Variants in C12orf50 observed in about 807,000 individuals in gnomAD.
C12orf50 encodes the protein uncharacterized protein C12orf50.
C12orf50 carries 35 observed loss-of-function variants against 61.6 expected under a neutral mutation model. The observed-to-expected ratio is 0.57, with a 90% CI of 0.43 to 0.75. The LOEUF is 0.75. C12orf50 is among the 30% of genes least tolerant of loss of function. C12orf50 has a pLI of 0.00. For missense variants in C12orf50, 475 were observed against 488.5 expected (o/e 0.97, Z 0.26); for synonymous variants, 178 against 161.5 (o/e 1.10, Z -0.77).
At chr12:87,987,761 T>G in intron 9 of C12orf50, 89 bp downstream of exon 9, 1 of 877,796 alleles carries the variant, frequency 1.1e-6, no homozygotes, top group East Asian at 2.7e-5. Context: ...TTTTCTTTCT[T>G]TTTTAAAATT....
At chr12:88,012,520 G>A (rs2032151354) in intron 3 of C12orf50, among the ~76,000 whole-genome samples, 1 of 152,150 alleles carries the variant, frequency 6.6e-6, no homozygotes. Flanking sequence ...ACAGAGCAGA[G>A]GTTCTTCGCA....
chr12:88,010,258 T>C (rs1389101282), intron 3 of C12orf50, among the ~76,000 whole-genome samples: 1 of 151,950 alleles, frequency 6.6e-6, no homozygotes, highest in Non-Finnish European at 1.5e-5. Flanking sequence ...CAAGTTCTAT[T>C]ATTTTGCTCT....
intron 1 of C12orf50, chr12:88,029,105 T>C (rs1381722816): frequency 7.8e-7 from 1 of 1,286,662 alleles, no homozygotes; most frequent in African/African-American, 1.5e-5. Flanking sequence ...TAGCAGTCAT[T>C]CCCAACTTCT....
intron 12 of C12orf50, among the ~76,000 whole-genome samples, chr12:87,981,945 G>A (rs2030498392): frequency 6.6e-6 from 1 of 152,054 alleles, no homozygotes; most frequent in African/African-American, 2.4e-5. Context: ...TTGATTCAGT[G>A]CTACACATAG....
chr12:87,991,912 G>A (rs1334796740), intron 7 of C12orf50, among the ~76,000 whole-genome samples: 2 of 152,078 alleles, frequency 1.3e-5, no homozygotes, highest in African/African-American at 4.8e-5. Flanking sequence ...ATGTTTGTTT[G>A]TTGTTTGCAA....
chr12:87,992,219 T>A (rs77240917), intron 7 of C12orf50, among the ~76,000 whole-genome samples: 76 of 152,260 alleles, frequency 5.0e-4, no homozygotes, highest in Non-Finnish European at 7.8e-4. Context: ...TATACCAGGA[T>A]GAGTAATTTC....
chr12:88,000,565 C>T (rs1442193589), intron 3 of C12orf50, among the ~76,000 whole-genome samples: 1 of 151,860 alleles, frequency 6.6e-6, no homozygotes, highest in Non-Finnish European at 1.5e-5. Flanking sequence ...ATCAGCTTCT[C>T]AATTTCTGCA....
At chr12:88,010,447 T>TATAAGATTAAAATTATTATAATCTTATA (rs1211820836) in intron 3 of C12orf50, among the ~76,000 whole-genome samples, 50 of 140,344 alleles carry the variant, frequency 3.6e-4, no homozygotes, top group East Asian at 9.8e-4. Context: ...ATAATAAGAT[T>TATAAGATTAAAATTATTATAATCTTATA]ATAAGATTAA....
At chr12:87,992,673 G>A (rs2031182682) in intron 7 of C12orf50, among the ~76,000 whole-genome samples, 1 of 152,056 alleles carries the variant, frequency 6.6e-6, no homozygotes, top group Admixed American at 6.6e-5. Flanking sequence ...TAGTAATAGC[G>A]ACCAGAGTAC....
intron 3 of C12orf50, among the ~76,000 whole-genome samples, chr12:88,003,464 T>C (rs2031731764): frequency 6.6e-6 from 1 of 152,066 alleles, no homozygotes; most frequent in South Asian, 2.1e-4. Context: ...ACCTGAAAGT[T>C]TTCCTTTAGT....
intron 12 of C12orf50, among the ~76,000 whole-genome samples, chr12:87,981,940 T>C (rs1469251878): frequency 6.6e-6 from 1 of 152,118 alleles, no homozygotes; most frequent in African/African-American, 2.4e-5. Flanking sequence ...ATGCATTGAT[T>C]CAGTGCTACA....
intron 12 of C12orf50, among the ~76,000 whole-genome samples, chr12:87,982,433 A>AT (rs1262077037): frequency 1.3e-5 from 2 of 152,114 alleles, no homozygotes; most frequent in Non-Finnish European, 2.9e-5. Flanking sequence ...CTAACTGGAA[A>AT]TTTTTCTGAA....
chr12:87,994,867 T>C (rs2031310562), intron 6 of C12orf50, 124 bp from the exon 7 acceptor site: 2 of 610,284 alleles, frequency 3.3e-6, no homozygotes, highest in Non-Finnish European at 5.7e-6. Context: ...GTTTGCACAG[T>C]GATCTGATAA....
chr12:88,015,078 AC>A (rs1482542119), intron 3 of C12orf50, among the ~76,000 whole-genome samples: 1 of 151,830 alleles, frequency 6.6e-6, no homozygotes, highest in Admixed American at 6.6e-5. Flanking sequence ...CTGCCATCCA[AC>A]ACAAATTATC....
chr12:88,026,313 T>C (rs2032705419), intron 3 of C12orf50, among the ~76,000 whole-genome samples, 175 bp downstream of exon 3: 1 of 152,232 alleles, frequency 6.6e-6, no homozygotes, highest in Admixed American at 6.5e-5. Flanking sequence ...TGTTAGTTAC[T>C]TAATGGTTCA....
intron 3 of C12orf50, among the ~76,000 whole-genome samples, chr12:88,021,926 G>A (rs2032531565): frequency 6.6e-6 from 1 of 151,910 alleles, no homozygotes; most frequent in Admixed American, 6.6e-5. Flanking sequence ...AAGAAGAGCT[G>A]GTGCCATTCC....
rs2032741331 is a variant in C12orf50 at position 88,027,218 on chromosome 12, A to C, written c.-108-148T>G. 9 of 787,082 alleles carry C rather than the reference A, an allele frequency of 1.1e-5. No homozygotes were observed. In the East Asian group the frequency reaches 2.7e-4, roughly 24 times the overall value. 48.8% of individuals were successfully genotyped at this position (787,082 alleles called of 1,614,324 possible). A position where few individuals can be genotyped will look rare whatever the true frequency, so the allele number is the denominator to read the frequency against. ...CTATCAATTTTAGGCCATAAGTCTAAATTTTAGCAAATTAGTCTAACTTTA... is the reference window on the plus strand; with the variant it reads ...CTATCAATTTTAGGCCATAAGTCTACATTTTAGCAAATTAGTCTAACTTTA... On this transcript the variant is annotated intron_variant, in intron 1 of 12. Transcript: ENST00000298699.
At chr12:88,006,073 C>T (rs1310360988) in intron 3 of C12orf50, among the ~76,000 whole-genome samples, 3 of 151,936 alleles carry the variant, frequency 2.0e-5, no homozygotes, top group Non-Finnish European at 4.4e-5. Flanking sequence ...CCCGCCACCA[C>T]GCCCCGCTAA....
chr12:87,985,289 A>C (rs536461514), intron 11 of C12orf50: 1 of 152,370 alleles, frequency 6.6e-6, no homozygotes, highest in African/African-American at 2.4e-5. Context: ...AAAAGAGATA[A>C]AGAGATTCGG....
Sources: allele counts gnomAD v4.1 joint callset (sites outside exome capture counted in the v4.1 genomes callset), GRCh38; gene constraint gnomAD v4.1.1; transcripts MANE v1.5; gene names NCBI Gene and HGNC (gene_info 2026-07-23, HGNC 2026-07-21).